UNC5D: variants seen among roughly 807,000 people sequenced by gnomAD.
The protein encoded by UNC5D is netrin receptor UNC5D.
In UNC5D, 39 loss-of-function variants were observed where a neutral mutation model predicts 105.4. The observed-to-expected ratio is 0.37, with a 90% CI of 0.29 to 0.48. UNC5D has a LOEUF of 0.48. Ranked by LOEUF, UNC5D falls within the 20% of genes least tolerant of loss-of-function variation. The pLI, the probability that UNC5D is intolerant of heterozygous loss-of-function variation, is 0.98. For synonymous variants in UNC5D, 452 were observed against 450.4 expected, an observed-to-expected ratio of 1.00 and a Z score of -0.04; for missense variants, 991 against 1,202.4, an observed-to-expected ratio of 0.82 and a Z score of 2.60.
intron 1 of UNC5D, among the ~76,000 whole-genome samples, chr8:35,473,840 A>ATAATTAATAAAAT: frequency 6.6e-6 from 1 of 152,326 alleles, no homozygotes; most frequent in South Asian, 2.1e-4. Context: ...GTATTGACAG[A>ATAATTAATAAAAT]AATGTGTTAA....
At chr8:35,446,041 A>G (rs919760199) in intron 1 of UNC5D, among the ~76,000 whole-genome samples, 1 of 151,928 alleles carries the variant, frequency 6.6e-6, no homozygotes, top group African/African-American at 2.4e-5. Context: ...TTTGGGGAAC[A>G]GGTAGTATTT....
At chr8:35,337,905 T>C (rs1360346699) in intron 1 of UNC5D, among the ~76,000 whole-genome samples, 2 of 152,260 alleles carry the variant, frequency 1.3e-5, no homozygotes, top group African/African-American at 4.8e-5. Flanking sequence ...TTCTGCATTA[T>C]CCAAATTGAT....
chr8:35,278,984 G>A (rs879723725), intron 1 of UNC5D, among the ~76,000 whole-genome samples: 4 of 152,168 alleles, frequency 2.6e-5, no homozygotes, highest in Non-Finnish European at 4.4e-5. Flanking sequence ...ATTGTCACCA[G>A]TAATGAGTGA....
chr8:35,653,011 C>T (rs1457395963), intron 4 of UNC5D, among the ~76,000 whole-genome samples: 1 of 141,806 alleles, frequency 7.1e-6, no homozygotes, highest in Non-Finnish European at 1.5e-5. Flanking sequence ...CTTACTGCAA[C>T]CTCCGCCTCC....
intron 1 of UNC5D, among the ~76,000 whole-genome samples, chr8:35,379,653 C>T (rs1438371521): frequency 6.6e-6 from 1 of 151,998 alleles, no homozygotes; most frequent in African/African-American, 2.4e-5. Flanking sequence ...TTAAGTCTCC[C>T]TGGACTCTCT....
intron 1 of UNC5D, among the ~76,000 whole-genome samples, chr8:35,356,492 A>G (rs1233231468): frequency 6.6e-6 from 1 of 152,156 alleles, no homozygotes; most frequent in African/African-American, 2.4e-5. Context: ...CTGAGCACTT[A>G]TCATGGTCTG....
chr8:35,479,525 C>T (rs1327202948), intron 1 of UNC5D, among the ~76,000 whole-genome samples: 1 of 152,106 alleles, frequency 6.6e-6, no homozygotes, highest in Non-Finnish European at 1.5e-5. Context: ...ATGGCAGCAG[C>T]ATGGGATCAA....
At chr8:35,721,544 A>G in intron 8 of UNC5D, 1 of 702,526 alleles carries the variant, frequency 1.4e-6, no homozygotes, top group Admixed American at 2.0e-5. Flanking sequence ...CTAGCATTTA[A>G]TTGGTGTCAG....
At chr8:35,472,665 G>A (rs1309765768) in intron 1 of UNC5D, among the ~76,000 whole-genome samples, 5 of 152,146 alleles carry the variant, frequency 3.3e-5, no homozygotes, top group African/African-American at 4.8e-5. Flanking sequence ...AAATTAAAGC[G>A]AGAAAATACT....
intron 10 of UNC5D, 169 bp downstream of exon 10, chr8:35,726,698 C>A (rs1043108820): frequency 1.9e-6 from 2 of 1,041,268 alleles, no homozygotes; most frequent in Non-Finnish European, 2.8e-6. Flanking sequence ...AGAACCAATG[C>A]TGAGATTAGA....
At chr8:35,272,590 G>T (rs970115604) in intron 1 of UNC5D, among the ~76,000 whole-genome samples, 5 of 152,154 alleles carry the variant, frequency 3.3e-5, no homozygotes, top group Admixed American at 6.5e-5. Flanking sequence ...CTGCCCCTGG[G>T]GAGAGGGTGA....
intron 1 of UNC5D, among the ~76,000 whole-genome samples, chr8:35,266,533 G>C (rs1390060332): frequency 6.6e-6 from 1 of 152,144 alleles, no homozygotes; most frequent in Non-Finnish European, 1.5e-5. Context: ...GTACATAAAG[G>C]TCTATTCCAG....
chr8:35,509,858 C>T (rs1812584091), intron 1 of UNC5D, among the ~76,000 whole-genome samples: 1 of 152,056 alleles, frequency 6.6e-6, no homozygotes, highest in Admixed American at 6.5e-5. Flanking sequence ...TTCTCACAAC[C>T]CCTCCTCAAG....
chr8:35,515,973 C>T (rs574769035), intron 1 of UNC5D, among the ~76,000 whole-genome samples: 1 of 152,146 alleles, frequency 6.6e-6, no homozygotes, highest in East Asian at 1.9e-4. Flanking sequence ...TTAGTTTTTC[C>T]TACCCCATCA....
chr8:35,279,692 T>C (rs1170481875), intron 1 of UNC5D, among the ~76,000 whole-genome samples: 2 of 152,184 alleles, frequency 1.3e-5, no homozygotes, highest in African/African-American at 4.8e-5. Flanking sequence ...CACATATGTA[T>C]AATGCTCTGA....
intron 14 of UNC5D, among the ~76,000 whole-genome samples, chr8:35,760,040 C>CTT (rs796124727): frequency 0.013 from 1,674 of 132,920 alleles, 33 homozygotes; most frequent in African/African-American, 0.043. Context: ...TTTACTTTTT[C>CTT]TTTTTTTTTT....
intron 1 of UNC5D, among the ~76,000 whole-genome samples, chr8:35,266,398 G>T (rs1450560200): frequency 1.3e-5 from 2 of 152,196 alleles, no homozygotes; most frequent in Admixed American, 6.5e-5. Flanking sequence ...TACTGTTGAA[G>T]ATTTGAAGGA....
chr8:35,728,683 T>C (rs1829024206), intron 10 of UNC5D, among the ~76,000 whole-genome samples: 1 of 152,206 alleles, frequency 6.6e-6, no homozygotes, highest in South Asian at 2.1e-4. Context: ...ATTGCTCTAA[T>C]GCCATCCATC....
intron 11 of UNC5D, among the ~76,000 whole-genome samples, chr8:35,744,455 C>A (rs574133695): frequency 4.6e-5 from 7 of 152,314 alleles, no homozygotes; most frequent in African/African-American, 1.7e-4. Flanking sequence ...ATTAATGTAG[C>A]TGATTGCTAA....
Sources: gnomAD v4.1 joint callset for allele counts (sites outside exome capture counted in the v4.1 genomes callset) on GRCh38, gnomAD v4.1.1 for gene constraint, MANE v1.5 for transcripts, NCBI Gene and HGNC (gene_info 2026-07-23, HGNC 2026-07-21) for gene names.